SLC2A8: variants seen among roughly 807,000 people sequenced by gnomAD.
SLC2A8 encodes solute carrier family 2, facilitated glucose transporter member 8.
In SLC2A8, 53 loss-of-function variants were observed where a neutral mutation model predicts 49.2. That is an observed-to-expected ratio of 1.08 (90% confidence interval 0.86 to 1.35). SLC2A8 has a LOEUF of 1.35. Among genes scored for constraint, SLC2A8 ranks in the 40% most tolerant of loss-of-function variants. The pLI, the probability that SLC2A8 is intolerant of heterozygous loss-of-function variation, is 0.00. For synonymous variants in SLC2A8, 299 were observed against 297.0 expected (o/e 1.01, Z -0.07); for missense variants, 688 against 671.7 (o/e 1.02, Z -0.27).
Position 127,397,933 on chromosome 9 carries a change from G to C in SLC2A8, c.248G>C (p.Gly83Ala), listed in dbSNP as rs914639432. Residue 83 changes from glycine to alanine, a missense_variant, in exon 3 of 10, where the codon GGG (glycine) becomes GCG (alanine). By Grantham distance (60) the Gly-to-Ala change is moderately conservative. Transcript: ENST00000373371. ...GAVVTLGAAA[G>A]GVLGGWLVDR... ...GTCGTGACCCTGGGTGCCGCGGCGG[G>C]GGGAGTGCTGGGCGGCTGGCTGGTG... 3 of 1,531,420 alleles carry C rather than the reference G, an allele frequency of 2.0e-6. No homozygotes were observed. The highest frequency in any genetic ancestry group is 2.6e-6 in the Non-Finnish European group (3 of 1,145,414). 94.9% of individuals were successfully genotyped at this position (1,531,420 alleles called of 1,614,324 possible).
intron 4 of SLC2A8, chr9:127,402,257 C>G: frequency 2.7e-6 from 1 of 364,204 alleles, no homozygotes; most frequent in East Asian, 4.7e-5. Flanking sequence ...TCATACCATG[C>G]GGACACGCAG....
intron 2 of SLC2A8, 66 bp downstream of exon 2, chr9:127,397,604 G>T: frequency 7.3e-7 from 1 of 1,363,854 alleles, no homozygotes. Context: ...CGGGCATCGG[G>T]ACCCTCCGCC....
Position 127,404,044 on chromosome 9 carries a change from G to A in SLC2A8, c.953G>A (p.Arg318Gln), listed in dbSNP as rs761276028. The change falls in exon 7 of 10, where the codon CGG becomes CAG. Residue 318 changes from arginine to glutamine, a missense_variant. By Grantham distance (43) the Arg-to-Gln change is conservative (BLOSUM62 1). Transcript: ENST00000373371. ...GCTCTCATCATGGACAGAGCAGGGCGGAGGCTGCTCCTGGTCTTGTCAGGT... is the reference window on the plus strand; with the variant it reads ...GCTCTCATCATGGACAGAGCAGGGCAGAGGCTGCTCCTGGTCTTGTCAGGT... ...VAALIMDRAG[R>Q]RLLLVLSGVV... is the part of the protein sequence containing the mutation. 18 of 1,597,910 alleles carry A rather than the reference G, an allele frequency of 1.1e-5. No homozygotes were observed. Among genetic ancestry groups the A allele is most frequent in the East Asian group, 2.3e-5 (1 of 44,352 alleles).
rs1243314228 is a variant in SLC2A8 at position 127,397,392 on chromosome 9, C to T, written c.73C>T (p.Arg25Cys). ...PPGGSAPRGR[R>C]VFLAAFAAAL... The stretch of plus-strand genomic sequence containing the variant: ...TCCCCCCAGCGCGCCCCGCGGCCGC[C>T]GCGTCTTCCTCGCCGCCTTCGCCGC... The change falls in exon 2 of 10, where the codon CGC becomes TGC. Residue 25 changes from arginine (R) to cysteine (C), a missense_variant. Arg to Cys is a radical substitution (Grantham distance 180). Coordinates refer to ENST00000373371, the MANE Select transcript of SLC2A8 (RefSeq NM_014580.5). 31 of 1,470,886 alleles carry T rather than the reference C, an allele frequency of 2.1e-5. No individual in the cohort carries two copies. The allele number at this position is 1,470,886 out of a possible 1,614,324, so 91.1% of individuals were successfully genotyped here. A position where few individuals can be genotyped will look rare whatever the true frequency, so the allele number is the denominator to read the frequency against.
chr9:127,397,820 T>C (rs538653295), intron 2 of SLC2A8, 85 bp from the exon 3 acceptor site: 5 of 1,340,938 alleles, frequency 3.7e-6, no homozygotes, highest in Admixed American at 5.9e-5. Flanking sequence ...CCGGCTCTTT[T>C]ACCTCTGAGC....
At chr9:127,405,235 G>A (rs1253056522) in intron 8 of SLC2A8, among the ~76,000 whole-genome samples, 185 bp from the exon 9 acceptor site, 1 of 152,220 alleles carries the variant, frequency 6.6e-6, no homozygotes, top group Non-Finnish European at 1.5e-5. Context: ...GACAGAGCCT[G>A]TGCCTGAGGA....
At position 127,404,932 on chromosome 9, in the gene SLC2A8, T is replaced by C; in HGVS notation, c.1091T>C (p.Val364Ala). 1 of 1,612,094 alleles carries C rather than the reference T, an allele frequency of 6.2e-7. No individual in the cohort carries two copies. Among genetic ancestry groups the C allele is most frequent in the South Asian group, 1.1e-5 (1 of 91,066 alleles). Reference sequence around the variant, plus strand: ...TCGGCGCCTGTCTCTGCACAGCCTGTTGATGCCAGCGTGGGGCTGGCCTGG... The same window carrying C: ...TCGGCGCCTGTCTCTGCACAGCCTGCTGATGCCAGCGTGGGGCTGGCCTGG... The part of the protein sequence containing the change: ...AISAPVSAQP[V>A]DASVGLAWLA... Residue 364 changes from valine to alanine, a missense_variant, in exon 8 of 10, where the codon GTT becomes GCT. Physicochemically the swap from Val to Ala is moderately conservative, Grantham distance 64. Transcript: ENST00000373371.
At chr9:127,405,327 A>G (rs1833452157) in intron 8 of SLC2A8, 93 bp from the exon 9 acceptor site, 2 of 1,450,314 alleles carry the variant, frequency 1.4e-6, no homozygotes, top group Non-Finnish European at 1.9e-6. Flanking sequence ...ACAGCCCCAC[A>G]GGCTGGGAAG....
At chr9:127,402,279 T>A in intron 4 of SLC2A8, 1 of 414,632 alleles carries the variant, frequency 2.4e-6, no homozygotes, top group Non-Finnish European at 4.3e-6. Context: ...AAGCACCTCA[T>A]CCTTCATTTT....
Position 127,399,773 on chromosome 9 carries a change from G to C in SLC2A8, c.427-134G>C. On this transcript the variant is annotated intron_variant, in intron 3 of 9. Transcript: ENST00000373371. The surrounding 1 kb of genome is among the most constrained non-coding windows in gnomAD (Gnocchi z 4.2). ...ATTTTGTATTTTTAGTAGAGATGGG[G>C]TTTCTCCCTGTTGGTCAGGCCAGTC... 3.2e-6 allele frequency: 2 copies of C among 625,268 alleles called. No individual in the cohort carries two copies. The highest frequency in any genetic ancestry group is 5.7e-6 in the Non-Finnish European group (2 of 353,954). 38.7% of individuals were successfully genotyped at this position (625,268 alleles called of 1,614,324 possible).
chr9:127,405,299 A>C (rs1202753443), intron 8 of SLC2A8, 121 bp from the exon 9 acceptor site: 3 of 1,174,842 alleles, frequency 2.6e-6, no homozygotes, highest in Non-Finnish European at 3.5e-6. Context: ...GTGGGACCAC[A>C]CTGGGATCCG....
Position 127,397,544 on chromosome 9 carries a change from GC to G in SLC2A8, c.219+10del, listed in dbSNP as rs1228971475. ...CCGCCGCCTCCTGGTTCGGGGTGAG[GC>G]CCCGGGCTCGCTCCTCCCGCCCTGG... On this transcript the variant is annotated splice_region_variant and intron_variant, in intron 2 of 9. Transcript: ENST00000373371. The G allele has an allele frequency of 1.4e-6, 2 of 1,403,020 alleles. No individual in the cohort carries two copies. The highest frequency in any genetic ancestry group is 1.8e-6 in the Non-Finnish European group (2 of 1,090,914). 86.9% of individuals were successfully genotyped at this position (1,403,020 alleles called of 1,614,324 possible).
At position 127,407,181 on chromosome 9, in the gene SLC2A8, T is replaced by A; in HGVS notation, c.1366T>A (p.Leu456Met). The change falls in exon 10 of 10, where the codon TTG becomes ATG. Residue 456 changes from leucine (L) to methionine (M), a missense_variant. By Grantham distance (15) the Leu-to-Met change is conservative (BLOSUM62 2). Transcript: ENST00000373371. ...CTGCATCTTCAGTGTCCTTTTCACT[T>A]TGTTCTGTGTCCCTGAAACTAAAGG... ...AFCIFSVLFT[L>M]FCVPETKGKT... 6.2e-7 allele frequency: 1 copy of A among 1,613,694 alleles called. No homozygotes were observed.
At chr9:127,400,166 C>CTTTTTTTTTTTTTTTTTTTTTT (rs796202714) in intron 4 of SLC2A8, among the ~76,000 whole-genome samples, 160 bp downstream of exon 4, 7 of 116,802 alleles carry the variant, frequency 6.0e-5, no homozygotes, top group African/African-American at 2.0e-4. Flanking sequence ...ATAGGTGAGT[C>CTTTTTTTTTTTTTTTTTTTTTT]TTTTTTTTTT....
intron 3 of SLC2A8, 52 bp downstream of exon 3, chr9:127,398,163 G>T: frequency 6.5e-7 from 1 of 1,540,084 alleles, no homozygotes. Flanking sequence ...GACCGAGGGG[G>T]AGTGGGACAA....
At chr9:127,397,757 G>A in intron 2 of SLC2A8, 148 bp from the exon 3 acceptor site, 1 of 1,061,230 alleles carries the variant, frequency 9.4e-7, no homozygotes, top group Non-Finnish European at 1.3e-6. Context: ...CCCTCGGGAC[G>A]AGCACCGGGC....
intron 6 of SLC2A8, 72 bp downstream of exon 6, chr9:127,403,875 C>T: frequency 1.2e-6 from 2 of 1,600,562 alleles, no homozygotes; most frequent in Non-Finnish European, 1.7e-6. Context: ...AGCCCAGGGC[C>T]CAGCCATCCA....
chr9:127,400,333 A>G (rs1833235384), intron 4 of SLC2A8, among the ~76,000 whole-genome samples: 1 of 151,830 alleles, frequency 6.6e-6, no homozygotes, highest in African/African-American at 2.4e-5. Context: ...AATTGTTTGT[A>G]TTTTTGGTAG....
Position 127,403,542 on chromosome 9 carries a change from T to A in SLC2A8, c.724-118T>A. The A allele has an allele frequency of 4.1e-6, 5 of 1,206,602 alleles. No individual in the cohort carries two copies. In the South Asian group the frequency reaches 5.3e-5, roughly 13 times the overall value. The allele number at this position is 1,206,602 out of a possible 1,614,324, so 74.7% of individuals were successfully genotyped here. ...CCTGAGGACACAGGGGGTGCTGGGA[T>A]GAGGAGCCAAGACGTGGGAGTCAGC... is the stretch of plus-strand genomic sequence containing the variant. On this transcript the variant is annotated intron_variant, in intron 5 of 9. Transcript: ENST00000373371.
Sources: gnomAD v4.1 joint callset for allele counts (sites outside exome capture counted in the v4.1 genomes callset) on GRCh38, gnomAD v4.1.1 for gene constraint, Gnocchi (gnomAD v3.1) non-coding constraint, MANE v1.5 for transcripts, NCBI Gene and HGNC (gene_info 2026-07-23, HGNC 2026-07-21) for gene names.